STARD13: variants seen among roughly 807,000 people sequenced by gnomAD.
STARD13 encodes StAR related lipid transfer domain containing 13.
Under a neutral mutation model 106.4 loss-of-function variants are expected in STARD13, and 62 were observed. The ratio of observed to expected loss-of-function variants is 0.58; its 90% CI spans 0.48 to 0.72. The LOEUF (loss-of-function observed/expected upper bound fraction) is 0.72. STARD13 is among the 30% of genes least tolerant of loss of function. STARD13 has a pLI of 0.00. For missense variants in STARD13, 1,387 were observed against 1,424.0 expected (o/e 0.97, Z 0.42); for synonymous variants, 565 against 553.0 (o/e 1.02, Z -0.31).
intron 1 of STARD13, among the ~76,000 whole-genome samples, chr13:33,203,817 C>G (rs1887220944): frequency 6.6e-6 from 1 of 152,022 alleles, no homozygotes; most frequent in Non-Finnish European, 1.5e-5. Flanking sequence ...TTAGCTTTTT[C>G]AGTGTAATGC....
chr13:33,150,249 C>T (rs1881096974), intron 3 of STARD13, among the ~76,000 whole-genome samples: 1 of 152,198 alleles, frequency 6.6e-6, no homozygotes, highest in South Asian at 2.1e-4. Flanking sequence ...CAGAATTATT[C>T]TCCACCACTG....
At chr13:33,594,513 G>A in the STARD13 span, among the ~76,000 whole-genome samples, 1 of 152,136 alleles carries the variant, frequency 6.6e-6, no homozygotes, top group Non-Finnish European at 1.5e-5. Context: ...AAAAATTGTG[G>A]TAAAATATAC....
At chr13:33,322,777 A>G (rs1038317665) in intron 1 of STARD13, among the ~76,000 whole-genome samples, 1 of 152,204 alleles carries the variant, frequency 6.6e-6, no homozygotes, top group Non-Finnish European at 1.5e-5. Flanking sequence ...ACCTAAGTCG[A>G]TATTTGCTAC....
At chr13:33,196,465 G>C (rs753947132) in intron 1 of STARD13, among the ~76,000 whole-genome samples, 8 of 152,198 alleles carry the variant, frequency 5.3e-5, no homozygotes, top group Non-Finnish European at 1.2e-4. Flanking sequence ...ATCAGGATAT[G>C]ATAGGAGGCG....
the STARD13 span, among the ~76,000 whole-genome samples, chr13:33,389,874 A>T: frequency 1.3e-5 from 2 of 152,296 alleles, no homozygotes; most frequent in Admixed American, 6.5e-5. Context: ...TTTTGACCTC[A>T]GTATCTTCAC....
downstream of STARD13, among the ~76,000 whole-genome samples, chr13:33,345,161 G>A (rs1035560864): frequency 1.1e-4 from 16 of 152,274 alleles, no homozygotes; most frequent in African/African-American, 3.9e-4. Flanking sequence ...AATGGTTGTG[G>A]GCAGAATGAA....
chr13:33,185,126 T>A (rs1393479809), intron 1 of STARD13, among the ~76,000 whole-genome samples: 1 of 152,200 alleles, frequency 6.6e-6, no homozygotes, highest in Non-Finnish European at 1.5e-5. Flanking sequence ...GCAGCCTCCA[T>A]GTATGCCAGA....
At chr13:33,213,660 T>C (rs775914032) in intron 1 of STARD13, among the ~76,000 whole-genome samples, 44 of 152,222 alleles carry the variant, frequency 2.9e-4, no homozygotes, top group Non-Finnish European at 1.3e-4. Flanking sequence ...GCCAATTTCA[T>C]GCATTGTGCT....
At chr13:33,244,280 G>A (rs1889713168) in intron 1 of STARD13, among the ~76,000 whole-genome samples, 1 of 151,828 alleles carries the variant, frequency 6.6e-6, no homozygotes. Context: ...ACTAAAGCTT[G>A]GATAGGTTAA....
chr13:33,605,293 G>A, the STARD13 span, among the ~76,000 whole-genome samples: 1 of 150,968 alleles, frequency 6.6e-6, no homozygotes, highest in South Asian at 2.1e-4. Flanking sequence ...GTGTTGCTCA[G>A]GCTGCTCTCA....
chr13:33,394,721 C>T, the STARD13 span, among the ~76,000 whole-genome samples: 1 of 152,158 alleles, frequency 6.6e-6, no homozygotes, highest in Admixed American at 6.5e-5. Context: ...ACAGAACATG[C>T]CAGGGATGTG....
In STARD13 at chr13:33,244,872, C is replaced by A. The variant is rs1052271052; in HGVS notation, c.169+40598G>T. On this transcript the variant is annotated intron_variant, in intron 1 of 13. Transcript: ENST00000336934. The stretch of plus-strand genomic sequence containing the variant: ...ATTGCCAACATACAGAACTGTGAAC[C>A]AATAAATGACTGTTGTTTTCAGCCA... Among the ~76,000 whole-genome samples the A allele has an allele frequency of 2.6e-5, 4 of 152,288 alleles. No individual in the cohort carries two copies. In the East Asian group the frequency reaches 7.7e-4, roughly 29 times the overall value.
At chr13:33,380,446 C>T in the STARD13 span, among the ~76,000 whole-genome samples, 5 of 150,770 alleles carry the variant, frequency 3.3e-5, no homozygotes, top group African/African-American at 1.2e-4. Flanking sequence ...GGAGAATACC[C>T]CTACCGTCAC....
chr13:33,346,111 A>C (rs1445988688), downstream of STARD13, among the ~76,000 whole-genome samples: 1 of 152,206 alleles, frequency 6.6e-6, no homozygotes, highest in Non-Finnish European at 1.5e-5. Context: ...TCTCTGCCAT[A>C]TTGTGTGTCA....
the STARD13 span, among the ~76,000 whole-genome samples, chr13:33,585,458 C>G: frequency 3.3e-5 from 5 of 151,988 alleles, no homozygotes; most frequent in Non-Finnish European, 5.9e-5. Flanking sequence ...CTTTAGGAGG[C>G]CAAGACAGGT....
chr13:33,517,242 G>T, the STARD13 span, among the ~76,000 whole-genome samples: 1 of 151,714 alleles, frequency 6.6e-6, no homozygotes, highest in Non-Finnish European at 1.5e-5. Flanking sequence ...TTGTCCCATG[G>T]GCATTAACAT....
chr13:33,633,049 A>G, the STARD13 span, among the ~76,000 whole-genome samples: 1 of 152,216 alleles, frequency 6.6e-6, no homozygotes, highest in Non-Finnish European at 1.5e-5. Context: ...GAAATTCTCC[A>G]AAAATTTATT....
the STARD13 span, among the ~76,000 whole-genome samples, chr13:33,512,154 C>CA: frequency 5.3e-5 from 8 of 152,266 alleles, no homozygotes; most frequent in East Asian, 1.5e-3. Flanking sequence ...TCCCAATTAA[C>CA]AGTTGACTCA....
At chr13:33,284,307 C>T (rs1006488603) in intron 1 of STARD13, among the ~76,000 whole-genome samples, 10 of 152,082 alleles carry the variant, frequency 6.6e-5, no homozygotes, top group South Asian at 2.1e-4. Context: ...AAATGCTGCC[C>T]GCTAGAATAC....
Sources: gnomAD v4.1 joint callset for allele counts (sites outside exome capture counted in the v4.1 genomes callset) on GRCh38, gnomAD v4.1.1 for gene constraint, MANE v1.5 for transcripts, NCBI Gene and HGNC (gene_info 2026-07-23, HGNC 2026-07-21) for gene names.